The following PPFIA2 variants were observed in gnomAD, a reference collection of about 807,000 sequenced individuals.
PPFIA2 encodes PPFI scaffold protein A2.
PPFIA2 carries 46 observed loss-of-function variants against 175.5 expected under a neutral mutation model. The ratio of observed to expected loss-of-function variants is 0.26; its 90% CI spans 0.21 to 0.34. PPFIA2 has a LOEUF of 0.34. Among genes scored for constraint, PPFIA2 ranks in the 10% least tolerant of loss-of-function variants. The pLI is 1.00. For synonymous variants in PPFIA2, 568 were observed against 511.4 expected, an observed-to-expected ratio of 1.11 and a Z score of -1.49; for missense variants, 1,179 against 1,506.1, an observed-to-expected ratio of 0.78 and a Z score of 3.60.
At chr12:81,494,501 G>A (rs555307447) in intron 4 of PPFIA2, among the ~76,000 whole-genome samples, 13 of 152,102 alleles carry the variant, frequency 8.5e-5, no homozygotes, top group African/African-American at 2.7e-4. Context: ...TGGTGGGACT[G>A]TAAACTAGTT....
At chr12:81,509,874 G>T (rs1182422690) in intron 4 of PPFIA2, among the ~76,000 whole-genome samples, 3 of 152,208 alleles carry the variant, frequency 2.0e-5, no homozygotes, top group African/African-American at 7.2e-5. Context: ...TTCTTCATCA[G>T]AAGTAAAAAG....
chr12:81,370,380 C>T (rs886202074), intron 11 of PPFIA2, among the ~76,000 whole-genome samples: 6 of 151,734 alleles, frequency 4.0e-5, no homozygotes, highest in African/African-American at 1.5e-4. Flanking sequence ...GATACTTGGT[C>T]TCAAATATTG....
At chr12:81,632,047 C>A (rs1389217449) in intron 4 of PPFIA2, among the ~76,000 whole-genome samples, 1 of 151,904 alleles carries the variant, frequency 6.6e-6, no homozygotes, top group African/African-American at 2.4e-5. Flanking sequence ...TTTTATAAAC[C>A]ATTAACATAT....
intron 4 of PPFIA2, among the ~76,000 whole-genome samples, chr12:81,575,833 C>A (rs964177158): frequency 8.6e-5 from 13 of 151,644 alleles, no homozygotes; most frequent in Admixed American, 4.0e-4. Flanking sequence ...AAAAAGACTA[C>A]TGAATATAGG....
intron 4 of PPFIA2, among the ~76,000 whole-genome samples, chr12:81,602,174 A>G (rs2059865487): frequency 6.6e-6 from 1 of 151,866 alleles, no homozygotes; most frequent in Non-Finnish European, 1.5e-5. Flanking sequence ...TCTTGAAATG[A>G]GCAGCATTCA....
Position 81,388,904 on chromosome 12 carries a change from C to T in PPFIA2, c.763-4660G>A, listed in dbSNP as rs536949648. Among the ~76,000 whole-genome samples, 11 of 151,480 alleles carry T rather than the reference C, an allele frequency of 7.3e-5. No individual in the cohort carries two copies. In the South Asian group the frequency reaches 8.3e-4, roughly 11 times the overall value. On this transcript the variant is annotated intron_variant, in intron 8 of 32. Transcript: ENST00000549396. ...ATCAACAGGATAAAATTATATATGA[C>T]GCATGGTATAGGCATGTACCAAGCA...
At chr12:81,294,147 G>A (rs2045815500) in intron 24 of PPFIA2, among the ~76,000 whole-genome samples, 1 of 152,100 alleles carries the variant, frequency 6.6e-6, no homozygotes, top group Non-Finnish European at 1.5e-5. Flanking sequence ...CAAAAGGGAA[G>A]AGGTTGGTAG....
At chr12:81,574,337 T>C (rs954049809) in intron 4 of PPFIA2, among the ~76,000 whole-genome samples, 2 of 151,854 alleles carry the variant, frequency 1.3e-5, no homozygotes, top group South Asian at 2.1e-4. Context: ...TAGATTATAC[T>C]TGAGTACTAA....
At chr12:81,439,166 CCTCT>C (rs375429110) in intron 7 of PPFIA2, among the ~76,000 whole-genome samples, 31 of 146,386 alleles carry the variant, frequency 2.1e-4, no homozygotes, top group East Asian at 2.0e-3. Context: ...TCTCTCTCTC[CCTCT>C]CTCTCTCTCT....
At chr12:81,500,516 G>A (rs778433162) in intron 4 of PPFIA2, among the ~76,000 whole-genome samples, 1 of 152,256 alleles carries the variant, frequency 6.6e-6, no homozygotes, top group Admixed American at 6.5e-5. Context: ...GCATAACAAC[G>A]CTTTGCGTAT....
intron 4 of PPFIA2, among the ~76,000 whole-genome samples, chr12:81,540,337 A>ATT (rs1203840870): frequency 6.6e-6 from 1 of 152,066 alleles, no homozygotes; most frequent in African/African-American, 2.4e-5. Context: ...TATCAATTCA[A>ATT]CAACTGATTT....
intron 24 of PPFIA2, among the ~76,000 whole-genome samples, chr12:81,288,848 AAAGGTT>A (rs1290826784): frequency 6.6e-6 from 1 of 151,806 alleles, no homozygotes; most frequent in Non-Finnish European, 1.5e-5. Flanking sequence ...TCTTTTCAAT[AAAGGTT>A]AAGGTTTATA....
intron 4 of PPFIA2, among the ~76,000 whole-genome samples, chr12:81,596,122 A>G (rs538867322): frequency 6.6e-6 from 1 of 152,236 alleles, no homozygotes; most frequent in East Asian, 1.9e-4. Context: ...AATATGGGTT[A>G]ATGTATATAG....
chr12:81,622,563 C>T (rs1014098303), intron 4 of PPFIA2, among the ~76,000 whole-genome samples: 7 of 152,050 alleles, frequency 4.6e-5, no homozygotes, highest in African/African-American at 1.7e-4. Context: ...GCTCAGAGTT[C>T]CCACTGGAGC....
At chr12:81,606,224 T>G (rs1399017846) in intron 4 of PPFIA2, among the ~76,000 whole-genome samples, 1 of 152,034 alleles carries the variant, frequency 6.6e-6, no homozygotes, top group Non-Finnish European at 1.5e-5. Flanking sequence ...CCACCATTGA[T>G]GGGCACCCAG....
intron 3 of PPFIA2, among the ~76,000 whole-genome samples, chr12:81,689,210 T>C (rs965329042): frequency 6.6e-6 from 1 of 151,904 alleles, no homozygotes; most frequent in African/African-American, 2.4e-5. Flanking sequence ...CTAAGAAACA[T>C]GCAGAAAAAT....
chr12:81,450,443 G>GA (rs2052322106), intron 5 of PPFIA2, among the ~76,000 whole-genome samples: 1 of 152,226 alleles, frequency 6.6e-6, no homozygotes, highest in Non-Finnish European at 1.5e-5. Flanking sequence ...GTCCTTTTGA[G>GA]AAGTGTCTGT....
rs149423223 is a variant in PPFIA2, at chr12:81,630,739, C to T, written c.303+46052G>A. The stretch of plus-strand genomic sequence containing the variant: ...TCTCAGAGATAAAGGCTAATTTCTA[C>T]GGTAGCTCAACCTAGATCTATTTCA... On this transcript the variant is annotated intron_variant, in intron 4 of 32. Coordinates refer to ENST00000549396, the MANE Select transcript of PPFIA2 (RefSeq NM_003625.5). 2.8e-4 allele frequency among the ~76,000 whole-genome samples: 43 copies of T among 152,010 alleles called. 1 individual carries two copies. The East Asian group carries it at 5.8e-3, about 21-fold the overall frequency.
intron 3 of PPFIA2, among the ~76,000 whole-genome samples, chr12:81,744,021 G>T (rs2082697986): frequency 6.6e-6 from 1 of 152,118 alleles, no homozygotes; most frequent in Admixed American, 6.5e-5. Context: ...TAATACAACA[G>T]ATTAGAGAGA....
Sources: allele counts gnomAD v4.1 joint callset (sites outside exome capture counted in the v4.1 genomes callset), GRCh38; gene constraint gnomAD v4.1.1; transcripts MANE v1.5; gene names NCBI Gene and HGNC (gene_info 2026-07-23, HGNC 2026-07-21).